The following ASAH1 variants were observed in gnomAD, a reference collection of about 807,000 sequenced individuals.
The protein encoded by ASAH1 is N-acylsphingosine amidohydrolase 1, also known as acid ceramidase.
In ASAH1, 70 loss-of-function variants were observed where a neutral mutation model predicts 59.5. The observed-to-expected ratio is 1.18, with a 90% CI of 0.97 to 1.43. The LOEUF (loss-of-function observed/expected upper bound fraction) is 1.43. ASAH1 is among the 40% of genes most tolerant of loss of function. The pLI is 0.00. For synonymous variants in ASAH1, 213 were observed against 166.5 expected (o/e 1.28, Z -2.15); for missense variants, 660 against 482.5 (o/e 1.37, Z -3.45).
At chr8:18,065,008 A>G (rs940860127) in intron 5 of ASAH1, 8 of 154,650 alleles carry the variant, frequency 5.2e-5, no homozygotes, top group African/African-American at 1.9e-4. Flanking sequence ...TATTTTTTGA[A>G]TATTTTCCCA....
Position 18,063,214 on chromosome 8 carries a change from C to G in ASAH1, c.474G>C (p.Gly158=), listed in dbSNP as rs1356384937. ...AEDKKGHLIH[G]RNMDFGVFLG... ...GAAATACTCCAAAATCCATGTTTCTCCCATGTATTAGATGACCTATTTGAA... is the reference window on the plus strand; with the variant it reads ...GAAATACTCCAAAATCCATGTTTCTGCCATGTATTAGATGACCTATTTGAA... Residue 158 remains glycine (G), a synonymous_variant, in exon 7 of 14, where the codon GGG becomes GGC. Transcript: ENST00000637790. The G allele has an allele frequency of 1.9e-6, 3 of 1,613,666 alleles. No individual in the cohort carries two copies. Among genetic ancestry groups the G allele is most frequent in the Non-Finnish European group, 2.5e-6 (3 of 1,179,744 alleles).
rs1421658200 is a variant in ASAH1 at position 18,063,234 on chromosome 8, T to C, written c.458-4A>G. ...TTTCTCCCATGTATTAGATGACCTA[T>C]TTGAAGGTAGACAGAAGAGACGTGT... On this transcript the variant is annotated splice_region_variant and splice_polypyrimidine_tract_variant and intron_variant, in intron 6 of 13. Coordinates refer to ENST00000637790, the MANE Select transcript of ASAH1 (RefSeq NM_177924.5). The C allele has an allele frequency of 1.2e-6, 2 of 1,612,862 alleles. No homozygotes were observed. The highest frequency in any genetic ancestry group is 1.3e-5 in the African/African-American group (1 of 75,010).
In ASAH1 at chr8:18,077,580, A is replaced by C. The variant is rs557012347; in HGVS notation, c.79-1993T>G. On this transcript the variant is annotated intron_variant, in intron 1 of 13. Transcript: ENST00000637790. Reference sequence around the variant, plus strand: ...ATCGGTATGTTGACAGTCAAGAAAAATCACTCAAAAATCACATGCTTTGTT... The same window carrying C: ...ATCGGTATGTTGACAGTCAAGAAAACTCACTCAAAAATCACATGCTTTGTT... 1.3e-3 allele frequency among the ~76,000 whole-genome samples: 191 copies of C among 152,360 alleles called. 1 individual carries two copies. The highest frequency in any genetic ancestry group is 4.5e-3 in the African/African-American group (188 of 41,582).
chr8:18,077,886 T>C (rs1462018854), intron 1 of ASAH1, among the ~76,000 whole-genome samples: 2 of 152,206 alleles, frequency 1.3e-5, no homozygotes, highest in African/African-American at 4.8e-5. Context: ...GACCATTGTT[T>C]TCCTATGAGT....
rs1799519155 is a variant in ASAH1 at position 18,057,493 on chromosome 8, T to C, written c.*41A>G. 1 of 1,487,932 alleles carries C rather than the reference T, an allele frequency of 6.7e-7. No homozygotes were observed. The highest frequency in any genetic ancestry group is 1.1e-5 in the South Asian group (1 of 88,616). 92.2% of individuals were successfully genotyped at this position (1,487,932 alleles called of 1,614,324 possible). On this transcript the variant is annotated 3_prime_UTR_variant, in exon 14 of 14. Coordinates refer to ENST00000637790, the MANE Select transcript of ASAH1 (RefSeq NM_177924.5). ...TGTTCGGTCACATGGAGATGGTGTCTTCATGTCTCAGAGGCCGCATTCTGT... is the reference window on the plus strand; with the variant it reads ...TGTTCGGTCACATGGAGATGGTGTCCTCATGTCTCAGAGGCCGCATTCTGT...
At chr8:18,074,938 G>C (rs1193590291) in intron 2 of ASAH1, among the ~76,000 whole-genome samples, 1 of 151,944 alleles carries the variant, frequency 6.6e-6, no homozygotes, top group Non-Finnish European at 1.5e-5. Flanking sequence ...CCTTACATTT[G>C]TCAAAGATGA....
At position 18,067,258 on chromosome 8, in the gene ASAH1, T is replaced by A; in HGVS notation, c.344A>T (p.Glu115Val). 1 of 1,607,668 alleles carries A rather than the reference T, an allele frequency of 6.2e-7. No individual in the cohort carries two copies. Among genetic ancestry groups the A allele is most frequent in the Non-Finnish European group, 8.5e-7 (1 of 1,176,730 alleles). Residue 115 changes from glutamate to valine, a missense_variant, in exon 5 of 14, where the codon GAA becomes GTA. Transcript: ENST00000637790. ...AGTAACAGCGGCAATACCCTTCATTTCCTCTTCAAAAGGGCCAGGAAAGTT... is the reference window on the plus strand; with the variant it reads ...AGTAACAGCGGCAATACCCTTCATTACCTCTTCAAAAGGGCCAGGAAAGTT... Reference protein sequence around the residue: ...LGNFPGPFEEEMKGIAAVTDI... With the variant: ...LGNFPGPFEEVMKGIAAVTDI...
upstream of ASAH1, chr8:18,084,237 G>C (rs1800795737): frequency 1.8e-5 from 26 of 1,472,810 alleles, 1 homozygote; most frequent in South Asian, 1.9e-4. Context: ...GGGCTTTTCA[G>C]TGCCACGAAA....
chr8:18,072,401 T>C (rs1205372845), intron 2 of ASAH1, among the ~76,000 whole-genome samples: 1 of 152,234 alleles, frequency 6.6e-6, no homozygotes, highest in Non-Finnish European at 1.5e-5. Flanking sequence ...CTATCATAAA[T>C]AATTACTTGG....
chr8:18,063,341 T>C (rs1007278722), intron 6 of ASAH1, 111 bp from the exon 7 acceptor site: 11 of 1,045,228 alleles, frequency 1.1e-5, no homozygotes, highest in African/African-American at 1.6e-5. Flanking sequence ...TCTCGTTCTG[T>C]TGGCCAGACT....
chr8:18,084,352 G>A (rs1284591715), upstream of ASAH1: 7 of 1,411,896 alleles, frequency 5.0e-6, no homozygotes, highest in Admixed American at 2.9e-5. Context: ...CCCACCGCGG[G>A]CAATAGTCGG....
chr8:18,069,954 T>C, intron 3 of ASAH1, 76 bp from the exon 4 acceptor site: 2 of 995,668 alleles, frequency 2.0e-6, no homozygotes, highest in Non-Finnish European at 3.1e-6. Flanking sequence ...TACCCATATG[T>C]AGCTAAAAGA....
At chr8:18,066,055 T>C (rs1013435793) in intron 5 of ASAH1, 52 of 152,102 alleles carry the variant, frequency 3.4e-4, no homozygotes, top group African/African-American at 1.2e-3. Context: ...TCATAGCATA[T>C]ACAAAAATAA....
intron 8 of ASAH1, 160 bp downstream of exon 8, chr8:18,062,119 T>C: frequency 1.0e-6 from 1 of 953,114 alleles, no homozygotes; most frequent in Non-Finnish European, 1.6e-6. Flanking sequence ...TACTCTTCTC[T>C]ACCACGAGAT....
chr8:18,076,742 A>T (rs1223228630), intron 1 of ASAH1: 1 of 152,174 alleles, frequency 6.6e-6, no homozygotes, highest in Non-Finnish European at 1.5e-5. Context: ...AGCTCAGAAA[A>T]CTCCTGGAAC....
intron 7 of ASAH1, chr8:18,062,965 G>T (rs535980323): frequency 9.6e-6 from 5 of 519,256 alleles, no homozygotes; most frequent in African/African-American, 3.9e-5. Flanking sequence ...CCGCCTCGCA[G>T]GTTCAAAAAA....
chr8:18,079,951 G>C (rs1049010233), intron 1 of ASAH1, among the ~76,000 whole-genome samples: 1 of 152,248 alleles, frequency 6.6e-6, no homozygotes, highest in Non-Finnish European at 1.5e-5. Context: ...TCAAAGGAAT[G>C]TGAATAAACC....
At chr8:18,059,801 T>C (rs769255357) in intron 10 of ASAH1, 98 bp from the exon 11 acceptor site, 3 of 1,265,948 alleles carry the variant, frequency 2.4e-6, no homozygotes, top group Middle Eastern at 2.7e-4. Flanking sequence ...CTGGGACACA[T>C]GTGCTGAACG....
chr8:18,062,505 C>G, intron 7 of ASAH1, 82 bp from the exon 8 acceptor site: 1 of 1,468,926 alleles, frequency 6.8e-7, no homozygotes, highest in Admixed American at 1.7e-5. Flanking sequence ...AGGCATTACA[C>G]TAGGAGCTTT....
Sources: gnomAD v4.1 joint callset for allele counts (sites outside exome capture counted in the v4.1 genomes callset) on GRCh38, gnomAD v4.1.1 for gene constraint, MANE v1.5 for transcripts, NCBI Gene and HGNC (gene_info 2026-07-23, HGNC 2026-07-21) for gene names.